The following FBLN7 variants were observed in gnomAD, a reference collection of about 807,000 sequenced individuals.
FBLN7 encodes the protein fibulin 7.
Under a neutral mutation model 44.0 loss-of-function variants are expected in FBLN7, and 31 were observed. The observed-to-expected ratio is 0.70, with a 90% CI of 0.53 to 0.95. The LOEUF is 0.95. Ranked by LOEUF, FBLN7 falls within the 40% of genes least tolerant of loss-of-function variation. The pLI, the probability that FBLN7 is intolerant of heterozygous loss-of-function variation, is 0.00. For synonymous variants in FBLN7, 262 were observed against 253.4 expected (o/e 1.03, Z -0.32); for missense variants, 573 against 618.5 (o/e 0.93, Z 0.78).
the FBLN7 span, among the ~76,000 whole-genome samples, chr2:112,234,987 A>C: frequency 6.6e-6 from 1 of 152,142 alleles, no homozygotes; most frequent in South Asian, 2.1e-4. Flanking sequence ...AGCTCAAATT[A>C]ACACACGCAA....
intron 2 of FBLN7, among the ~76,000 whole-genome samples, chr2:112,161,549 G>A (rs376583177): frequency 1.3e-5 from 2 of 152,120 alleles, no homozygotes; most frequent in South Asian, 2.1e-4. Context: ...GTAAGTTAGC[G>A]GTCAAGGCCT....
At position 112,161,171 on chromosome 2, in the gene FBLN7, G is replaced by A. The variant is rs181379601; in HGVS notation, c.235+1336G>A. Among the ~76,000 whole-genome samples, 95 of 152,316 alleles carry A rather than the reference G, an allele frequency of 6.2e-4. 1 individual carries two copies. The Middle Eastern group carries it at 0.01, about 16-fold the overall frequency. ...TTTTCCTCCGGTGTCTTAGGGTGCTGGGGGACAGGGGCCAGTCATCATGTT... is the reference window on the plus strand; with the variant it reads ...TTTTCCTCCGGTGTCTTAGGGTGCTAGGGGACAGGGGCCAGTCATCATGTT... On this transcript the variant is annotated intron_variant, in intron 2 of 7. Transcript: ENST00000331203.
intron 1 of FBLN7, 150 bp from the exon 2 acceptor site, chr2:112,159,526 C>A: frequency 2.4e-6 from 2 of 848,224 alleles, no homozygotes; most frequent in East Asian, 3.1e-5. Context: ...GTACTTGGGG[C>A]TGTCCAGCGG....
rs547539097 is a variant in FBLN7 at position 112,181,770 on chromosome 2, C to T, written c.564C>T (p.Ser188=). The T allele has an allele frequency of 1.4e-6, 2 of 1,424,402 alleles. No individual in the cohort carries two copies. Among genetic ancestry groups the T allele is most frequent in the South Asian group, 1.4e-5 (1 of 69,228 alleles). 88.2% of individuals were successfully genotyped at this position (1,424,402 alleles called of 1,614,324 possible). A position where few individuals can be genotyped will look rare whatever the true frequency, so the allele number is the denominator to read the frequency against. The part of the protein sequence containing the change: ...AAPEGSVAGD[S]AFSRAPRCAQ... The stretch of plus-strand genomic sequence containing the variant: ...CCGAGGGCAGCGTGGCCGGCGACTC[C>T]GCCTTCAGCCGCGCGCCGCGCTGTG... Residue 188 remains serine (S), a synonymous_variant, in exon 5 of 8, where the codon TCC becomes TCT. Coordinates refer to ENST00000331203, the MANE Select transcript of FBLN7 (RefSeq NM_153214.3).
Position 112,187,128 on chromosome 2 carries a change from C to A in FBLN7, c.948-6C>A, listed in dbSNP as rs767207144. 1 of 1,613,178 alleles carries A rather than the reference C, an allele frequency of 6.2e-7. No homozygotes were observed. The highest frequency in any genetic ancestry group is 8.5e-7 in the Non-Finnish European group (1 of 1,179,548). ...TGACTGCCTCCATTTTGCCTCTCCG[C>A]TCCAGCCAGTGTGAGCGGAACCCCT... On this transcript the variant is annotated splice_region_variant and splice_polypyrimidine_tract_variant and intron_variant, in intron 7 of 7. Coordinates refer to ENST00000331203, the MANE Select transcript of FBLN7 (RefSeq NM_153214.3). The surrounding 1 kb of genome is among the most constrained non-coding windows in gnomAD (Gnocchi z 5.1).
chr2:112,239,934 A>C, the FBLN7 span, among the ~76,000 whole-genome samples: 1 of 152,184 alleles, frequency 6.6e-6, no homozygotes, highest in African/African-American at 2.4e-5. Flanking sequence ...GTTCCACCAG[A>C]GGATTGATTA....
rs1407267287 is a variant in FBLN7 at position 112,187,697 on chromosome 2, T to C, written c.*191T>C. 26 of 662,158 alleles carry C rather than the reference T, an allele frequency of 3.9e-5. No homozygotes were observed. In the East Asian group the frequency reaches 6.1e-4, roughly 15 times the overall value. The allele number at this position is 662,158 out of a possible 1,614,324, so 41.0% of individuals were successfully genotyped here. A position where few individuals can be genotyped will look rare whatever the true frequency, so the allele number is the denominator to read the frequency against. The stretch of plus-strand genomic sequence containing the variant: ...AAGAGCAGCCACAAAACTCAACTGC[T>C]GCCATCACTCTTTTTTTTTTTCTGC... On this transcript the variant is annotated 3_prime_UTR_variant, in exon 8 of 8. Coordinates refer to ENST00000331203, the MANE Select transcript of FBLN7 (RefSeq NM_153214.3). The surrounding 1 kb of genome is among the most constrained non-coding windows in gnomAD (Gnocchi z 5.1).
chr2:112,155,420 G>T (rs896443575), intron 1 of FBLN7, among the ~76,000 whole-genome samples: 1 of 152,156 alleles, frequency 6.6e-6, no homozygotes, highest in African/African-American at 2.4e-5. Flanking sequence ...TCTGCTTCTC[G>T]GGCTCCCTGG....
the FBLN7 span, among the ~76,000 whole-genome samples, chr2:112,220,150 C>T: frequency 2.6e-5 from 4 of 152,182 alleles, no homozygotes; most frequent in South Asian, 2.1e-4. Context: ...TATTTACATT[C>T]AAGGTTAGTA....
At chr2:112,143,213 G>C (rs1680738276) in intron 1 of FBLN7, among the ~76,000 whole-genome samples, 1 of 152,208 alleles carries the variant, frequency 6.6e-6, no homozygotes, top group South Asian at 2.1e-4. Flanking sequence ...GAGAGCAGGA[G>C]CCCTTTCTGG....
chr2:112,171,670 C>T (rs1458267862), intron 3 of FBLN7, among the ~76,000 whole-genome samples: 1 of 152,118 alleles, frequency 6.6e-6, no homozygotes, highest in Non-Finnish European at 1.5e-5. Flanking sequence ...CACATACATC[C>T]AAGTCGCACA....
Position 112,159,666 on chromosome 2 carries a change from C to T in FBLN7, c.76-10C>T, listed in dbSNP as rs1251253912. 1.3e-6 allele frequency: 2 copies of T among 1,516,682 alleles called. No homozygotes were observed. Among genetic ancestry groups the T allele is most frequent in the African/African-American group, 2.8e-5 (2 of 70,278 alleles). 94.0% of individuals were successfully genotyped at this position (1,516,682 alleles called of 1,614,324 possible). On this transcript the variant is annotated splice_polypyrimidine_tract_variant and intron_variant, in intron 1 of 7. Transcript: ENST00000331203. ...CAATGGGTGGTGGCGGCGATGTCTT[C>T]TCTCCGCAGAACTGTCTCAGCAAAC...
intron 7 of FBLN7, among the ~76,000 whole-genome samples, chr2:112,186,581 A>T (rs1163578972): frequency 6.6e-6 from 1 of 152,202 alleles, no homozygotes; most frequent in East Asian, 1.9e-4. Flanking sequence ...TGGAGGTTGC[A>T]GAGAGCCTAG....
At chr2:112,176,893 T>C (rs548493543) in intron 4 of FBLN7, 1 of 151,702 alleles carries the variant, frequency 6.6e-6, no homozygotes, top group East Asian at 2.0e-4. Context: ...GGTCACTGAA[T>C]GTTCTAAACC....
chr2:112,192,330 C>T (rs1271238707), downstream of FBLN7, among the ~76,000 whole-genome samples: 1 of 152,152 alleles, frequency 6.6e-6, no homozygotes, highest in African/African-American at 2.4e-5. Flanking sequence ...AAAGAAGGCC[C>T]CAGTGACGCC....
the FBLN7 span, among the ~76,000 whole-genome samples, chr2:112,205,154 C>G: frequency 6.6e-6 from 1 of 151,880 alleles, no homozygotes. Context: ...ATTATAATCC[C>G]TGGGGCAATC....
chr2:112,183,658 G>A (rs1000833633), intron 6 of FBLN7, among the ~76,000 whole-genome samples: 1 of 152,114 alleles, frequency 6.6e-6, no homozygotes, highest in East Asian at 1.9e-4. Context: ...GTGGGTTGGG[G>A]GGCAGCGGCG....
chr2:112,158,628 T>G (rs899251054), intron 1 of FBLN7, among the ~76,000 whole-genome samples: 17 of 151,988 alleles, frequency 1.1e-4, no homozygotes, highest in African/African-American at 3.4e-4. Flanking sequence ...TAGTTGAGAC[T>G]GGGTTTCACC....
intron 4 of FBLN7, among the ~76,000 whole-genome samples, chr2:112,180,003 C>T (rs1188204159): frequency 6.6e-5 from 10 of 152,164 alleles, no homozygotes; most frequent in African/African-American, 2.4e-4. Flanking sequence ...TCTAATTAAA[C>T]TTAAGAGCTT....
Sources: allele counts gnomAD v4.1 joint callset (sites outside exome capture counted in the v4.1 genomes callset), GRCh38; gene constraint gnomAD v4.1.1; non-coding constraint Gnocchi (gnomAD v3.1); transcripts MANE v1.5; gene names NCBI Gene and HGNC (gene_info 2026-07-23, HGNC 2026-07-21).